Variants in RNF213 observed in about 807,000 individuals in gnomAD.
RNF213 encodes the protein ring finger protein 213.
In RNF213, 341 loss-of-function variants were observed where a neutral mutation model predicts 514.4. The ratio of observed to expected loss-of-function variants is 0.66; its 90% CI spans 0.61 to 0.73. The LOEUF (loss-of-function observed/expected upper bound fraction) is 0.73. Among genes scored for constraint, RNF213 ranks in the 30% least tolerant of loss-of-function variants. RNF213 has a pLI of 0.00. For missense variants in RNF213, 5,767 were observed against 6,615.6 expected, an observed-to-expected ratio of 0.87 and a Z score of 4.45; for synonymous variants, 2,655 against 2,658.2, an observed-to-expected ratio of 1.00 and a Z score of 0.04.
Position 80,295,622 on chromosome 17 carries a change from G to A in RNF213, c.1821G>A (p.Thr607=), listed in dbSNP as rs866420799. The A allele has an allele frequency of 3.1e-5, 50 of 1,614,130 alleles. No homozygotes were observed. Among genetic ancestry groups the A allele is most frequent in the Admixed American group, 5.0e-5 (3 of 60,004 alleles). Residue 607 remains threonine, a synonymous_variant, in exon 10 of 68, where the codon ACG becomes ACA. Transcript: ENST00000582970. The part of the protein sequence containing the change: ...HVVPLPDGKS[T]DFLPVDCPVR... ...TACCATTGCCGGACGGAAAAAGCACGGACTTTTTGCCTGTGGACTGCCCAG... is the reference window on the plus strand; with the variant it reads ...TACCATTGCCGGACGGAAAAAGCACAGACTTTTTGCCTGTGGACTGCCCAG...
At chr17:80,348,620 G>A (rs1368481550) in intron 29 of RNF213, among the ~76,000 whole-genome samples, 1 of 152,262 alleles carries the variant, frequency 6.6e-6, no homozygotes, top group Admixed American at 6.5e-5. Context: ...TAGGGAGCAT[G>A]GAGAGACCAG....
At chr17:80,326,218 G>A (rs577698467) in intron 18 of RNF213, among the ~76,000 whole-genome samples, 6 of 152,176 alleles carry the variant, frequency 3.9e-5, no homozygotes, top group South Asian at 2.1e-4. Context: ...CTGACCTCCC[G>A]GGCTCACGTG....
At chr17:80,305,059 G>A (rs1440080098) in intron 11 of RNF213, among the ~76,000 whole-genome samples, 10 of 152,016 alleles carry the variant, frequency 6.6e-5, no homozygotes, top group African/African-American at 2.4e-4. Flanking sequence ...TTTATTTGTA[G>A]AGATGGAATC....
At chr17:80,276,254 C>G (rs988905867) in intron 3 of RNF213, among the ~76,000 whole-genome samples, 1 of 151,968 alleles carries the variant, frequency 6.6e-6, no homozygotes, top group African/African-American at 2.4e-5. Flanking sequence ...GCATGCACCA[C>G]CATGTCTGGC....
Position 80,292,886 on chromosome 17 carries a change from C to T in RNF213, c.1471+1059C>T, listed in dbSNP as rs149643495. On this transcript the variant is annotated intron_variant, in intron 8 of 67. Transcript: ENST00000582970. Reference sequence around the variant, plus strand: ...TCCCTTGGCAACCAGGGCCTCCCTGCCCCCTGGTGTCCGGTGTCTTGGAAA... The same window carrying T: ...TCCCTTGGCAACCAGGGCCTCCCTGTCCCCTGGTGTCCGGTGTCTTGGAAA... 2.6e-4 allele frequency among the ~76,000 whole-genome samples: 40 copies of T among 152,166 alleles called. No individual in the cohort carries two copies. The East Asian group carries it at 7.2e-3, about 27-fold the overall frequency.
intron 26 of RNF213, chr17:80,341,748 G>GAGAA (rs771028681): frequency 5.3e-5 from 8 of 152,144 alleles, no homozygotes; most frequent in South Asian, 2.1e-4. Flanking sequence ...TTTAAAAAAA[G>GAGAA]AGAAAGAAAG....
At chr17:80,290,494 T>C (rs2044677621) in intron 6 of RNF213, 76 bp from the exon 7 acceptor site, 1 of 1,546,588 alleles carries the variant, frequency 6.5e-7, no homozygotes, top group Non-Finnish European at 8.9e-7. Context: ...CACGTGTGTG[T>C]GTGCGCGTGT....
Position 80,340,387 on chromosome 17 carries a change from G to A in RNF213, c.5989+31G>A, listed in dbSNP as rs577311010. 238 of 1,572,130 alleles carry A rather than the reference G, an allele frequency of 1.5e-4. 4 individuals are homozygous for A. In the South Asian group the frequency reaches 2.4e-3, roughly 16 times the overall value. On this transcript the variant is annotated intron_variant, in intron 26 of 67. Transcript: ENST00000582970. ...GAGAGCGGCAGGGTGGGCAGGCCCC[G>A]TCTCCCAGGGACTGCCCGGGGCCCT...
chr17:80,318,277 C>T (rs890622917), intron 16 of RNF213, among the ~76,000 whole-genome samples: 2 of 152,182 alleles, frequency 1.3e-5, no homozygotes, highest in African/African-American at 4.8e-5. Context: ...AGAGTAGGCA[C>T]ACGGGGATAG....
At chr17:80,386,621 C>A in intron 62 of RNF213, 69 bp from the exon 63 acceptor site, 1 of 1,550,382 alleles carries the variant, frequency 6.5e-7, no homozygotes, top group South Asian at 1.1e-5. Flanking sequence ...GGAGCCTGCT[C>A]CCTGCAACAT....
At chr17:80,295,861 T>G (rs1430606231) in intron 10 of RNF213, 48 bp downstream of exon 10, 1 of 1,602,604 alleles carries the variant, frequency 6.2e-7, no homozygotes, top group Non-Finnish European at 8.5e-7. Flanking sequence ...TTATAATGAT[T>G]TTCTCTGATT....
chr17:80,360,812 G>A (rs746168739), intron 38 of RNF213, among the ~76,000 whole-genome samples: 6 of 152,282 alleles, frequency 3.9e-5, no homozygotes, highest in Non-Finnish European at 5.9e-5. Flanking sequence ...TCTTTTCCAC[G>A]TTTACTTATC....
rs758763021 is a variant in RNF213 at position 80,343,369 on chromosome 17, C to T, written c.6183+44C>T. On this transcript the variant is annotated intron_variant, in intron 27 of 67. Coordinates refer to ENST00000582970, the MANE Select transcript of RNF213 (RefSeq NM_001256071.3). The surrounding 1 kb of genome is among the most constrained non-coding windows in gnomAD (Gnocchi z 4.3). Reference sequence around the variant, plus strand: ...CAGCCGATGGCCACATCAGTAAAGACGTGGTCCCCATGTCTCTGCGTGACT... The same window carrying T: ...CAGCCGATGGCCACATCAGTAAAGATGTGGTCCCCATGTCTCTGCGTGACT... 2.2e-5 allele frequency: 34 copies of T among 1,538,496 alleles called. No individual in the cohort carries two copies. The highest frequency in any genetic ancestry group is 9.1e-5 in the South Asian group (8 of 87,568).
At chr17:80,358,215 A>G in intron 36 of RNF213, 73 bp from the exon 37 acceptor site, 1 of 1,349,336 alleles carries the variant, frequency 7.4e-7, no homozygotes, top group East Asian at 2.3e-5. Context: ...GAAGGAACAA[A>G]ATGTCAAAAG....
At chr17:80,322,379 A>T (rs899232618) in intron 17 of RNF213, among the ~76,000 whole-genome samples, 5 of 151,758 alleles carry the variant, frequency 3.3e-5, no homozygotes, top group African/African-American at 1.2e-4. Context: ...CCTGTAGACC[A>T]TCCTGGCTAA....
intron 8 of RNF213, among the ~76,000 whole-genome samples, chr17:80,293,120 C>T (rs1028886117): frequency 3.3e-5 from 5 of 152,082 alleles, no homozygotes; most frequent in Admixed American, 1.3e-4. Flanking sequence ...TGCAGTGGCA[C>T]GATCTCGGCT....
chr17:80,394,439 AGTTATG>A lies in RNF213; in HGVS notation c.*942_*947del, dbSNP rs1484158952. 6.6e-6 allele frequency: 1 copy of A among 152,178 alleles called. No homozygotes were observed. The allele number at this position is 152,178 out of a possible 1,614,324, so 9.4% of individuals were successfully genotyped here. A position where few individuals can be genotyped will look rare whatever the true frequency, so the allele number is the denominator to read the frequency against. On this transcript the variant is annotated 3_prime_UTR_variant, in exon 68 of 68. Coordinates refer to ENST00000582970, the MANE Select transcript of RNF213 (RefSeq NM_001256071.3). ...TAGGACTCAGAGCACATACAAAACC[AGTTATG>A]TTTCGGAAAGAGGGAAAAGAGTCCC... is the stretch of plus-strand genomic sequence containing the variant.
Position 80,312,453 on chromosome 17 carries a change from G to A in RNF213, c.2656-559G>A, listed in dbSNP as rs376093266. ...TTACCTCCGGGTCAGGAGCCTGGCT[G>A]TGGTCTGGCATGGAGGCAGGGGGAG... On this transcript the variant is annotated intron_variant, in intron 14 of 67. Coordinates refer to ENST00000582970, the MANE Select transcript of RNF213 (RefSeq NM_001256071.3). Among the ~76,000 whole-genome samples, 7 of 150,028 alleles carry A rather than the reference G, an allele frequency of 4.7e-5. No homozygotes were observed. In the East Asian group the frequency reaches 1.2e-3, roughly 26 times the overall value.
At chr17:80,381,426 C>G in intron 56 of RNF213, 121 bp from the exon 57 acceptor site, 2 of 1,065,060 alleles carry the variant, frequency 1.9e-6, no homozygotes, top group Non-Finnish European at 1.4e-6. Flanking sequence ...CCGCCGTTTT[C>G]ATCTTAGAAA....
Sources: allele counts gnomAD v4.1 joint callset (sites outside exome capture counted in the v4.1 genomes callset), GRCh38; gene constraint gnomAD v4.1.1; non-coding constraint Gnocchi (gnomAD v3.1); transcripts MANE v1.5; gene names NCBI Gene and HGNC (gene_info 2026-07-23, HGNC 2026-07-21).